EPHB1: variants seen among roughly 807,000 people sequenced by gnomAD.
EPHB1 encodes the protein ephrin type-B receptor 1.
EPHB1 carries 30 observed loss-of-function variants against 94.4 expected under a neutral mutation model. The ratio of observed to expected loss-of-function variants is 0.32; its 90% CI spans 0.24 to 0.43. EPHB1 has a LOEUF of 0.43. Among genes scored for constraint, EPHB1 ranks in the 20% least tolerant of loss-of-function variants. EPHB1 has a pLI of 1.00. For missense variants in EPHB1, 1,055 were observed against 1,308.3 expected (o/e 0.81, Z 2.99); for synonymous variants, 522 against 489.1 (o/e 1.07, Z -0.89).
chr3:135,011,498 C>T lies in EPHB1; in HGVS notation c.805+59446C>T, dbSNP rs138391511. ...TCCTCTCCAGAGTATGAATGAAGCGCGTGTCGTGGGATGCCCAGGAGTGTG... is the reference window on the plus strand; with the variant it reads ...TCCTCTCCAGAGTATGAATGAAGCGTGTGTCGTGGGATGCCCAGGAGTGTG... On this transcript the variant is annotated intron_variant, in intron 3 of 15. Transcript: ENST00000398015. 6.6e-5 allele frequency among the ~76,000 whole-genome samples: 10 copies of T among 152,250 alleles called. No individual in the cohort carries two copies. In the East Asian group the frequency reaches 9.6e-4, roughly 15 times the overall value.
chr3:135,151,233 C>T (rs1941183912), intron 5 of EPHB1, among the ~76,000 whole-genome samples: 3 of 152,248 alleles, frequency 2.0e-5, no homozygotes, highest in East Asian at 1.9e-4. Flanking sequence ...TGTTGACAGT[C>T]CTCCTATGGC....
At chr3:134,964,654 A>G (rs373096143) in intron 3 of EPHB1, among the ~76,000 whole-genome samples, 2 of 152,112 alleles carry the variant, frequency 1.3e-5, no homozygotes, top group Admixed American at 6.5e-5. Flanking sequence ...CATGGATCTG[A>G]ATGTGGAGGC....
At chr3:134,896,905 G>A (rs2038096424) in intron 1 of EPHB1, among the ~76,000 whole-genome samples, 1 of 152,272 alleles carries the variant, frequency 6.6e-6, no homozygotes, top group Admixed American at 6.5e-5. Context: ...TCCTAATGGC[G>A]AGCAAGGGAG....
chr3:135,181,370 C>T (rs1216240087), intron 10 of EPHB1, among the ~76,000 whole-genome samples: 6 of 152,158 alleles, frequency 3.9e-5, no homozygotes, highest in East Asian at 1.9e-4. Context: ...TGCTGAACCA[C>T]GACTTTCACT....
intron 7 of EPHB1, among the ~76,000 whole-genome samples, chr3:135,165,322 A>G (rs528158927): frequency 2.6e-4 from 39 of 152,348 alleles, no homozygotes; most frequent in Middle Eastern, 6.8e-3. Flanking sequence ...TGCACATGGT[A>G]ACGCCAGGGT....
intron 3 of EPHB1, among the ~76,000 whole-genome samples, chr3:135,043,335 T>C (rs1335608750): frequency 6.6e-6 from 1 of 152,130 alleles, no homozygotes; most frequent in Non-Finnish European, 1.5e-5. Flanking sequence ...TTGGTACTTT[T>C]CTCTGTAATC....
chr3:135,127,604 T>C (rs1382604148), intron 4 of EPHB1, among the ~76,000 whole-genome samples: 1 of 152,194 alleles, frequency 6.6e-6, no homozygotes, highest in Non-Finnish European at 1.5e-5. Context: ...GATAAAGGAA[T>C]TGGCTTTGGG....
intron 3 of EPHB1, among the ~76,000 whole-genome samples, chr3:135,042,645 G>A (rs1936889331): frequency 6.6e-6 from 1 of 152,102 alleles, no homozygotes; most frequent in Non-Finnish European, 1.5e-5. Flanking sequence ...GAGTTTGCAA[G>A]GCAGCCTTCA....
At chr3:134,811,242 GT>G (rs397966930) in intron 1 of EPHB1, among the ~76,000 whole-genome samples, 19 of 73,894 alleles carry the variant, frequency 2.6e-4, no homozygotes, top group African/African-American at 5.9e-4. Flanking sequence ...TACTAAGAAG[GT>G]TTTTTTTTTT....
intron 1 of EPHB1, among the ~76,000 whole-genome samples, chr3:134,908,876 G>A (rs2038391454): frequency 6.6e-6 from 1 of 152,100 alleles, no homozygotes; most frequent in Admixed American, 6.5e-5. Flanking sequence ...CTCCTGGAGA[G>A]ACTGTAGGAT....
At chr3:135,110,761 T>C (rs564443382) in intron 4 of EPHB1, among the ~76,000 whole-genome samples, 1 of 152,342 alleles carries the variant, frequency 6.6e-6, no homozygotes, top group African/African-American at 2.4e-5. Context: ...TGCTCTTCCT[T>C]CTCCCATTCC....
At chr3:134,944,597 C>G (rs1031962223) in intron 2 of EPHB1, among the ~76,000 whole-genome samples, 38 of 152,204 alleles carry the variant, frequency 2.5e-4, no homozygotes, top group African/African-American at 9.2e-4. Context: ...AATGGTTTCT[C>G]TTTCCACTAG....
chr3:135,122,902 G>A (rs148051128), intron 4 of EPHB1, among the ~76,000 whole-genome samples: 58 of 152,270 alleles, frequency 3.8e-4, no homozygotes, highest in Admixed American at 2.6e-3. Flanking sequence ...AATTGCCTGA[G>A]TACAGGCCCA....
At chr3:134,932,252 G>A (rs897226877) in intron 2 of EPHB1, among the ~76,000 whole-genome samples, 26 of 152,212 alleles carry the variant, frequency 1.7e-4, no homozygotes, top group Middle Eastern at 3.4e-3. Flanking sequence ...CATGAGTGCC[G>A]GTGCGCAGGC....
intron 1 of EPHB1, among the ~76,000 whole-genome samples, chr3:134,799,597 C>T (rs952172438): frequency 3.3e-5 from 5 of 152,308 alleles, no homozygotes; most frequent in Admixed American, 3.3e-4. Context: ...CAGACTCAGT[C>T]CCAGCTCAAA....
At chr3:134,952,871 G>A (rs1355324397) in intron 3 of EPHB1, among the ~76,000 whole-genome samples, 1 of 152,184 alleles carries the variant, frequency 6.6e-6, no homozygotes, top group Non-Finnish European at 1.5e-5. Context: ...AGAAGGATCT[G>A]GAGGCCCCTC....
chr3:134,861,399 A>G (rs2037255651), intron 1 of EPHB1, among the ~76,000 whole-genome samples: 1 of 152,144 alleles, frequency 6.6e-6, no homozygotes, highest in African/African-American at 2.4e-5. Context: ...TATGGACTCC[A>G]CATTTTGGGG....
intron 3 of EPHB1, among the ~76,000 whole-genome samples, chr3:135,065,461 G>A (rs967169826): frequency 9.2e-5 from 14 of 152,024 alleles, no homozygotes; most frequent in Admixed American, 1.3e-4. Flanking sequence ...TATAATATCC[G>A]TCTTTGTCTT....
intron 4 of EPHB1, among the ~76,000 whole-genome samples, chr3:135,113,030 G>T (rs1275217338): frequency 6.6e-6 from 1 of 152,184 alleles, no homozygotes; most frequent in Non-Finnish European, 1.5e-5. Flanking sequence ...AATCCATGTT[G>T]CCCGTTAAAA....
Sources: allele counts gnomAD v4.1 joint callset (sites outside exome capture counted in the v4.1 genomes callset), GRCh38; gene constraint gnomAD v4.1.1; transcripts MANE v1.5; gene names NCBI Gene and HGNC (gene_info 2026-07-23, HGNC 2026-07-21).